Variants in ZNF469 observed in about 807,000 individuals in gnomAD.
ZNF469 encodes the protein zinc finger protein 469.
ZNF469 carries 1 observed loss-of-function variant against 1.0 expected under a neutral mutation model. The ratio of observed to expected loss-of-function variants is 1.00; its 90% confidence interval spans 0.35 to 4.73. The LOEUF (loss-of-function observed/expected upper bound fraction) is 4.73. Ranked by LOEUF, ZNF469 falls within the 30% of genes most tolerant of loss-of-function variation. The pLI, the probability that ZNF469 is intolerant of heterozygous loss-of-function variation, is 0.16. For missense variants in ZNF469, 6,100 were observed against 5,356.3 expected (o/e 1.14, Z -4.33); for synonymous variants, 2,703 against 2,363.4 (o/e 1.14, Z -4.17).
At chr16:88,407,209 CTGGGCCCCCCAGGG>C (rs1253935596) in intron 1 of ZNF469, among the ~76,000 whole-genome samples, 1 of 152,236 alleles carries the variant, frequency 6.6e-6, no homozygotes, top group Non-Finnish European at 1.5e-5. Context: ...TGAGGTTGGG[CTGGGCCCCCCAGGG>C]TGGGAGCTCC....
the ZNF469 span, among the ~76,000 whole-genome samples, chr16:88,350,165 G>A: frequency 2.6e-5 from 4 of 152,210 alleles, no homozygotes; most frequent in Non-Finnish European, 5.9e-5. Flanking sequence ...GTCAAACACT[G>A]TCCACGTTTA....
At chr16:88,134,069 G>C in the ZNF469 span, among the ~76,000 whole-genome samples, 1 of 151,754 alleles carries the variant, frequency 6.6e-6, no homozygotes, top group Non-Finnish European at 1.5e-5. Flanking sequence ...CTGCACTCCA[G>C]CCTGGGCAAC....
the ZNF469 span, among the ~76,000 whole-genome samples, chr16:88,317,227 T>C: frequency 6.6e-6 from 1 of 152,214 alleles, no homozygotes; most frequent in African/African-American, 2.4e-5. Flanking sequence ...AGTTCCCAAC[T>C]GCCTCTCCAG....
At chr16:88,381,608 C>T (rs2092525607), upstream of ZNF469, among the ~76,000 whole-genome samples, 1 of 152,260 alleles carries the variant, frequency 6.6e-6, no homozygotes, top group Non-Finnish European at 1.5e-5. Context: ...TTTCTTAGTT[C>T]TTCCCCATTT....
At chr16:88,319,254 G>A in the ZNF469 span, among the ~76,000 whole-genome samples, 5 of 152,114 alleles carry the variant, frequency 3.3e-5, no homozygotes, top group South Asian at 2.1e-4. Flanking sequence ...GCAGGTGGCC[G>A]AGACCTGGAC....
At chr16:88,123,813 TA>T in the ZNF469 span, among the ~76,000 whole-genome samples, 1 of 152,252 alleles carries the variant, frequency 6.6e-6, no homozygotes, top group African/African-American at 2.4e-5. Context: ...GACTCTTTTT[TA>T]AATTTTGAGA....
chr16:88,158,888 T>C, the ZNF469 span, among the ~76,000 whole-genome samples: 121,278 of 151,530 alleles, frequency 0.8, 50,333 homozygotes, highest in Non-Finnish European at 0.93. Context: ...GTTGTGGTTC[T>C]GAACCTACTG....
intron 1 of ZNF469, among the ~76,000 whole-genome samples, chr16:88,409,218 C>T (rs911804743): frequency 7.2e-5 from 11 of 152,244 alleles, no homozygotes; most frequent in African/African-American, 2.2e-4. Context: ...AGTTCCTGAC[C>T]TCACGGTGAC....
chr16:88,402,521 G>A (rs1904911252), intron 1 of ZNF469, among the ~76,000 whole-genome samples: 1 of 152,122 alleles, frequency 6.6e-6, no homozygotes, highest in Non-Finnish European at 1.5e-5. Flanking sequence ...AGGCCCCTGT[G>A]GAGAGGGACA....
chr16:88,265,431 C>A, the ZNF469 span, among the ~76,000 whole-genome samples: 3,996 of 152,276 alleles, frequency 0.026, 62 homozygotes, highest in South Asian at 0.055. Context: ...TCCTTTTGGC[C>A]TCCCAGTGAG....
the ZNF469 span, among the ~76,000 whole-genome samples, chr16:88,272,767 C>T: frequency 5.5e-5 from 8 of 145,838 alleles, no homozygotes; most frequent in Admixed American, 2.0e-4. Context: ...TGTGGATAGA[C>T]GAGTGGACAG....
chr16:88,374,377 G>A, the ZNF469 span, among the ~76,000 whole-genome samples: 1 of 152,222 alleles, frequency 6.6e-6, no homozygotes, highest in Admixed American at 6.5e-5. Context: ...ATCACATACA[G>A]AATGAGTGAG....
chr16:88,421,722 C>T (rs546066885), intron 1 of ZNF469, among the ~76,000 whole-genome samples: 1 of 152,228 alleles, frequency 6.6e-6, no homozygotes, highest in South Asian at 2.1e-4. Context: ...GTGGGGCCAC[C>T]CTTTGTTCAG....
At chr16:88,220,778 C>T in the ZNF469 span, among the ~76,000 whole-genome samples, 1 of 152,186 alleles carries the variant, frequency 6.6e-6, no homozygotes, top group African/African-American at 2.4e-5. Flanking sequence ...TTGGTGCAGC[C>T]ATGGGGCCCC....
At chr16:88,235,902 G>A in the ZNF469 span, among the ~76,000 whole-genome samples, 47 of 152,340 alleles carry the variant, frequency 3.1e-4, no homozygotes, top group African/African-American at 9.6e-4. Context: ...TGACAGATGT[G>A]CGTTGGCTCT....
the ZNF469 span, among the ~76,000 whole-genome samples, chr16:88,201,680 C>T: frequency 6.6e-6 from 1 of 152,202 alleles, no homozygotes; most frequent in Admixed American, 6.5e-5. This position sits in a 1 kb window ranked among gnomAD's most constrained non-coding sequence, Gnocchi z 5.0. Context: ...TGGGGTGAGG[C>T]CGCACCTGCC....
At chr16:88,416,491 G>A (rs1905304162) in intron 1 of ZNF469, among the ~76,000 whole-genome samples, 1 of 152,162 alleles carries the variant, frequency 6.6e-6, no homozygotes, top group South Asian at 2.1e-4. Context: ...TTAGTGGTGT[G>A]TGACTTCGGC....
the ZNF469 span, among the ~76,000 whole-genome samples, chr16:88,102,136 C>T: frequency 6.7e-6 from 1 of 150,198 alleles, no homozygotes; most frequent in African/African-American, 2.4e-5. Context: ...TGCAGAATTC[C>T]CATGTGCTGG....
the ZNF469 span, among the ~76,000 whole-genome samples, chr16:88,229,721 C>T: frequency 3.9e-5 from 6 of 152,212 alleles, no homozygotes; most frequent in Admixed American, 6.5e-5. Context: ...GCTGATGTCA[C>T]GCGTGTGGAT....
Sources: allele counts gnomAD v4.1 joint callset (sites outside exome capture counted in the v4.1 genomes callset), GRCh38; gene constraint gnomAD v4.1.1; non-coding constraint Gnocchi (gnomAD v3.1); transcripts MANE v1.5; gene names NCBI Gene and HGNC (gene_info 2026-07-23, HGNC 2026-07-21).